NLRC4: variants seen among roughly 807,000 people sequenced by gnomAD.
NLRC4 encodes the protein NLR family CARD domain-containing protein 4.
Under a neutral mutation model 79.9 loss-of-function variants are expected in NLRC4, and 63 were observed. The observed-to-expected ratio is 0.79, with a 90% CI of 0.64 to 0.97. The LOEUF (loss-of-function observed/expected upper bound fraction) is 0.97. NLRC4 is among the 50% of genes least tolerant of loss of function. The pLI is 0.00. For synonymous variants in NLRC4, 461 were observed against 456.5 expected (o/e 1.01, Z -0.12); for missense variants, 1,074 against 1,215.2 (o/e 0.88, Z 1.73).
intron 1 of NLRC4, among the ~76,000 whole-genome samples, chr2:32,259,787 G>A (rs1392256912): frequency 6.6e-6 from 1 of 152,062 alleles, no homozygotes; most frequent in Non-Finnish European, 1.5e-5. Context: ...AAATTAGCCT[G>A]TTGAAGAACT....
chr2:32,247,023 G>A (rs1237456281), intron 4 of NLRC4, among the ~76,000 whole-genome samples: 7 of 152,196 alleles, frequency 4.6e-5, no homozygotes, highest in Non-Finnish European at 8.8e-5. Flanking sequence ...CTCCCAAAGT[G>A]TTGGAATTAC....
intron 8 of NLRC4, among the ~76,000 whole-genome samples, chr2:32,234,210 T>C (rs1380588020): frequency 6.6e-6 from 1 of 151,668 alleles, no homozygotes; most frequent in Non-Finnish European, 1.5e-5. Flanking sequence ...TGAAACTCCA[T>C]CTCTACTAAA....
At chr2:32,232,752 C>T (rs781216577) in intron 8 of NLRC4, among the ~76,000 whole-genome samples, 8 of 152,066 alleles carry the variant, frequency 5.3e-5, no homozygotes, top group Admixed American at 3.9e-4. Flanking sequence ...TAGAAGGTAG[C>T]GGGATCGACG....
chr2:32,231,035 T>C (rs1054234813), intron 8 of NLRC4, among the ~76,000 whole-genome samples: 3 of 152,246 alleles, frequency 2.0e-5, no homozygotes, highest in Non-Finnish European at 2.9e-5. Flanking sequence ...ATGATATTGA[T>C]TATGTTTTCT....
intron 8 of NLRC4, among the ~76,000 whole-genome samples, chr2:32,230,290 CAGTA>C (rs1686500057): frequency 1.3e-5 from 2 of 152,202 alleles, no homozygotes; most frequent in East Asian, 1.9e-4. Context: ...TACAGAAACA[CAGTA>C]AGATTGCCAG....
At chr2:32,237,424 T>G (rs1210221774) in intron 6 of NLRC4, among the ~76,000 whole-genome samples, 2 of 152,176 alleles carry the variant, frequency 1.3e-5, no homozygotes, top group African/African-American at 2.4e-5. Flanking sequence ...AGGCATGTGC[T>G]CATTGTTCTC....
chr2:32,239,617 C>A lies in NLRC4; in HGVS notation c.2351-1315G>T, dbSNP rs572093751. ...AATGAGGTATATAAAACTGCCGAGG[C>A]TAGTGTCTAATCTATAGCAGAGTAA... On this transcript the variant is annotated intron_variant, in intron 5 of 8. Transcript: ENST00000402280. 7.9e-5 allele frequency among the ~76,000 whole-genome samples: 12 copies of A among 152,266 alleles called. No homozygotes were observed. The South Asian group carries it at 2.3e-3, about 29-fold the overall frequency.
At chr2:32,257,334 G>A (rs1222664410) in intron 1 of NLRC4, among the ~76,000 whole-genome samples, 2 of 152,208 alleles carry the variant, frequency 1.3e-5, no homozygotes, top group Admixed American at 1.3e-4. Context: ...AGGGCTGGGC[G>A]CGGTGGCTCA....
chr2:32,240,658 A>T (rs552154772), intron 5 of NLRC4, among the ~76,000 whole-genome samples: 5 of 152,264 alleles, frequency 3.3e-5, no homozygotes, highest in South Asian at 4.1e-4. Context: ...TCATTTATGA[A>T]TTTTTTTAAC....
intron 1 of NLRC4, among the ~76,000 whole-genome samples, chr2:32,261,606 G>A (rs372483178): frequency 1.3e-5 from 2 of 150,296 alleles, no homozygotes; most frequent in African/African-American, 4.9e-5. Context: ...CACCATGCCC[G>A]GCCTAAAACT....
In NLRC4 at chr2:32,241,056, T is replaced by C; in HGVS notation, c.2327A>G (p.Asn776Ser). The change falls in exon 5 of 9, where the codon AAT becomes AGT. Residue 776 changes from asparagine (N) to serine (S), a missense_variant. Coordinates refer to ENST00000402280, the MANE Select transcript of NLRC4 (RefSeq NM_001199138.2). The part of the protein sequence containing the change: ...TKLIMDNIKM[N>S]EEDAIKLAEG... ...ACCTAGTTTTATAGCATCTTCTTCA[T>C]TCATCTTTATGTTATCCATTATGAG... 6.2e-7 allele frequency: 1 copy of C among 1,603,732 alleles called. No homozygotes were observed. Among genetic ancestry groups the C allele is most frequent in the African/African-American group, 1.3e-5 (1 of 74,804 alleles).
Position 32,249,647 on chromosome 2 carries a change from T to C in NLRC4, c.2217A>G (p.Lys739=), listed in dbSNP as rs374543260. The change falls in exon 4 of 9, where the codon AAA becomes AAG. Residue 739 remains lysine, a synonymous_variant. Coordinates refer to ENST00000402280, the MANE Select transcript of NLRC4 (RefSeq NM_001199138.2). ...ERHITSVTNL[K]TLSIHDLQNQ... ...TCTGTAGGTCATGAATACTCAAGGT[T>C]TTCAGGTTTGTTACAGATGTGATGT... 9.3e-6 allele frequency: 15 copies of C among 1,611,038 alleles called. No individual in the cohort carries two copies. In the African/African-American group the frequency reaches 1.7e-4, roughly 19 times the overall value.
At chr2:32,261,178 G>T (rs1021602376) in intron 1 of NLRC4, among the ~76,000 whole-genome samples, 1 of 148,824 alleles carries the variant, frequency 6.7e-6, no homozygotes, top group African/African-American at 2.5e-5. Flanking sequence ...GGGCGACAGA[G>T]CGAGACTCCA....
At chr2:32,226,085 G>A (rs1686387335) in intron 8 of NLRC4, among the ~76,000 whole-genome samples, 1 of 152,162 alleles carries the variant, frequency 6.6e-6, no homozygotes, top group Non-Finnish European at 1.5e-5. Context: ...ACAACCTTAA[G>A]GTTAGCAAGC....
chr2:32,257,025 G>A (rs1031570572), intron 1 of NLRC4, 132 bp from the exon 2 acceptor site: 2 of 466,134 alleles, frequency 4.3e-6, no homozygotes, highest in Admixed American at 3.5e-5. Flanking sequence ...CAAAGCCCCT[G>A]GCTATTCATG....
intron 4 of NLRC4, among the ~76,000 whole-genome samples, chr2:32,244,561 TA>T (rs1686885735): frequency 6.6e-6 from 1 of 151,522 alleles, no homozygotes; most frequent in Admixed American, 6.6e-5. Flanking sequence ...AAAAAATAAA[TA>T]AAAGGAATAC....
intron 1 of NLRC4, among the ~76,000 whole-genome samples, chr2:32,262,898 C>T (rs186707199): frequency 2.0e-5 from 3 of 151,700 alleles, no homozygotes; most frequent in African/African-American, 7.3e-5. Context: ...GAAGTCCTTC[C>T]CCCACATTTG....
chr2:32,231,579 G>GC lies in NLRC4; in HGVS notation c.2782+3821_2782+3822insG, dbSNP rs1553342724. ...TCTTTTTCTATTTTTTTTTGTGGGG[G>GC]GGGGGTGGGGGACTGGGTGTCACTC... On this transcript the variant is annotated intron_variant, in intron 8 of 8. Transcript: ENST00000402280. Among the ~76,000 whole-genome samples the GC allele has an allele frequency of 1.6e-3, 182 of 113,102 alleles. 17 individuals carry two copies. In the South Asian group the frequency reaches 0.062, roughly 39 times the overall value. 74.2% of individuals were successfully genotyped at this position (113,102 alleles called of 152,430 possible).
chr2:32,265,667 A>C (rs985230662), upstream of NLRC4: 3 of 152,484 alleles, frequency 2.0e-5, no homozygotes, highest in Admixed American at 6.5e-5. Context: ...CACACAGGGC[A>C]AACAGATCAC....
Sources: allele counts gnomAD v4.1 joint callset (sites outside exome capture counted in the v4.1 genomes callset), GRCh38; gene constraint gnomAD v4.1.1; transcripts MANE v1.5; gene names NCBI Gene and HGNC (gene_info 2026-07-23, HGNC 2026-07-21).